The following FOXO3 variants were observed in gnomAD, a reference collection of about 807,000 sequenced individuals.
The protein encoded by FOXO3 is forkhead box O3.
In FOXO3, 4 loss-of-function variants were observed where a neutral mutation model predicts 41.9. The observed-to-expected ratio is 0.10, with a 90% CI of 0.05 to 0.22. The LOEUF is 0.22. FOXO3 is among the 10% of genes least tolerant of loss of function. The pLI is 1.00. For synonymous variants in FOXO3, 318 were observed against 389.3 expected, an observed-to-expected ratio of 0.82 and a Z score of 2.16; for missense variants, 534 against 906.8, an observed-to-expected ratio of 0.59 and a Z score of 5.28.
At chr6:108,593,712 C>CTTTTTTTTTTTT (rs34228633) in intron 1 of FOXO3, among the ~76,000 whole-genome samples, 31 of 83,332 alleles carry the variant, frequency 3.7e-4, no homozygotes, top group African/African-American at 5.7e-4. Flanking sequence ...TTTTCTTCTT[C>CTTTTTTTTTTTT]TTTTTTTTTT....
At chr6:108,633,799 C>G (rs1449195570) in intron 1 of FOXO3, among the ~76,000 whole-genome samples, 2 of 151,430 alleles carry the variant, frequency 1.3e-5, no homozygotes, top group Non-Finnish European at 2.9e-5. Flanking sequence ...TGGCTTTTGT[C>G]TACCTTTGTA....
At chr6:108,573,340 A>G (rs999701755) in intron 1 of FOXO3, among the ~76,000 whole-genome samples, 2 of 152,128 alleles carry the variant, frequency 1.3e-5, no homozygotes, top group African/African-American at 4.8e-5. Flanking sequence ...CCATTTAAAA[A>G]GTTTCTACTC....
At chr6:108,576,503 A>G (rs551911401) in intron 1 of FOXO3, among the ~76,000 whole-genome samples, 1 of 152,366 alleles carries the variant, frequency 6.6e-6, no homozygotes, top group East Asian at 1.9e-4. Flanking sequence ...AAATTAGGAA[A>G]GGTAACGTGC....
chr6:108,648,257 A>T (rs1325466057), intron 1 of FOXO3, among the ~76,000 whole-genome samples: 1 of 152,186 alleles, frequency 6.6e-6, no homozygotes, highest in Non-Finnish European at 1.5e-5. Context: ...GGGAGATGGG[A>T]GTAGGAATGG....
rs1442065215 is a variant in FOXO3 at position 108,681,056 on chromosome 6, T to C, written c.*1264T>C. 2.0e-5 allele frequency: 3 copies of C among 152,790 alleles called. No homozygotes were observed. The East Asian group carries it at 5.8e-4, about 29-fold the overall frequency. 9.5% of individuals were successfully genotyped at this position (152,790 alleles called of 1,614,324 possible). A position where few individuals can be genotyped will look rare whatever the true frequency, so the allele number is the denominator to read the frequency against. On this transcript the variant is annotated 3_prime_UTR_variant, in exon 3 of 3. Transcript: ENST00000406360. ...GTACAAAATAGGGCAGTTTTAACTTTTTTTTCTGCTTCTATGGATTTCATT... is the reference window on the plus strand; with the variant it reads ...GTACAAAATAGGGCAGTTTTAACTTCTTTTTCTGCTTCTATGGATTTCATT...
upstream of FOXO3, chr6:108,560,846 C>CG: frequency 3.3e-6 from 2 of 603,456 alleles, no homozygotes; most frequent in Non-Finnish European, 4.7e-6. Flanking sequence ...GGCTGGGCGG[C>CG]GGGGGGAGGG....
At chr6:108,616,391 G>A (rs951894380) in intron 1 of FOXO3, among the ~76,000 whole-genome samples, 2 of 151,952 alleles carry the variant, frequency 1.3e-5, no homozygotes, top group African/African-American at 4.8e-5. Context: ...TCGATCTCCT[G>A]ACCTTGTGAT....
chr6:108,560,293 C>G (rs1022778714), upstream of FOXO3, among the ~76,000 whole-genome samples: 1 of 152,224 alleles, frequency 6.6e-6, no homozygotes, highest in Admixed American at 6.5e-5. Context: ...CGACTCGCTC[C>G]CTCCCCCGGA....
chr6:108,579,115 G>C (rs1403037362), intron 1 of FOXO3, among the ~76,000 whole-genome samples: 1 of 152,160 alleles, frequency 6.6e-6, no homozygotes, highest in African/African-American at 2.4e-5. Flanking sequence ...AATGTTGCCT[G>C]AGATTCATAA....
At chr6:108,592,865 G>A (rs1776767257) in intron 1 of FOXO3, among the ~76,000 whole-genome samples, 1 of 152,206 alleles carries the variant, frequency 6.6e-6, no homozygotes, top group Non-Finnish European at 1.5e-5. Flanking sequence ...CGTGGTAATT[G>A]AGTGCTTAAG....
At chr6:108,678,484 A>T (rs1449358709) in intron 2 of FOXO3, among the ~76,000 whole-genome samples, 6 of 141,102 alleles carry the variant, frequency 4.3e-5, no homozygotes, top group Non-Finnish European at 6.1e-5. Flanking sequence ...AGACAGCTCT[A>T]TGAATATACT....
rs1775805018 is a variant in FOXO3 at position 108,561,896 on chromosome 6, G to C, written c.621+67G>C. 3 of 1,478,348 alleles carry C rather than the reference G, an allele frequency of 2.0e-6. No homozygotes were observed. In the South Asian group the frequency reaches 4.1e-5, roughly 20 times the overall value. The allele number at this position is 1,478,348 out of a possible 1,614,324, so 91.6% of individuals were successfully genotyped here. A position where few individuals can be genotyped will look rare whatever the true frequency, so the allele number is the denominator to read the frequency against. On this transcript the variant is annotated intron_variant, in intron 1 of 2. Coordinates refer to ENST00000406360, the MANE Select transcript of FOXO3 (RefSeq NM_001455.4). ...TCCTGCGCAGCGCGAGACGCGTCTCGGATTCGTCGGAGTGCGCTTGCGGGC... is the reference window on the plus strand; with the variant it reads ...TCCTGCGCAGCGCGAGACGCGTCTCCGATTCGTCGGAGTGCGCTTGCGGGC...
At chr6:108,636,306 A>G (rs751235247) in intron 1 of FOXO3, among the ~76,000 whole-genome samples, 3 of 152,232 alleles carry the variant, frequency 2.0e-5, no homozygotes, top group African/African-American at 7.2e-5. Context: ...CTCACAGAGA[A>G]TACAGATGTC....
At chr6:108,588,892 C>T (rs1234937377) in intron 1 of FOXO3, among the ~76,000 whole-genome samples, 3 of 152,202 alleles carry the variant, frequency 2.0e-5, no homozygotes, top group Admixed American at 6.5e-5. Context: ...TCTCAAGCAA[C>T]TGGAATATGG....
chr6:108,653,877 A>G (rs1017094194), intron 1 of FOXO3, among the ~76,000 whole-genome samples: 7 of 152,336 alleles, frequency 4.6e-5, no homozygotes, highest in African/African-American at 1.7e-4. Flanking sequence ...CTTTGAGGCA[A>G]CCATTTTGTG....
chr6:108,661,405 T>C (rs1292558962), intron 1 of FOXO3, among the ~76,000 whole-genome samples: 4 of 152,150 alleles, frequency 2.6e-5, no homozygotes, highest in African/African-American at 7.2e-5. Context: ...CTTTTGTCTT[T>C]AACGTGCAAA....
intron 1 of FOXO3, among the ~76,000 whole-genome samples, chr6:108,604,422 AT>A (rs965097670): frequency 5.3e-5 from 8 of 151,816 alleles, no homozygotes; most frequent in African/African-American, 1.5e-4. Context: ...TTCCTGATAT[AT>A]TTTTTTTCTT....
At position 108,683,574 on chromosome 6, in the gene FOXO3, T is replaced by G. The variant is rs1313829760; in HGVS notation, c.*3782T>G. 6.6e-6 allele frequency: 1 copy of G among 151,956 alleles called. No individual in the cohort carries two copies. The highest frequency in any genetic ancestry group is 2.1e-4 in the South Asian group (1 of 4,824). The allele number at this position is 151,956 out of a possible 1,614,324, so 9.4% of individuals were successfully genotyped here. A position where few individuals can be genotyped will look rare whatever the true frequency, so the allele number is the denominator to read the frequency against. On this transcript the variant is annotated 3_prime_UTR_variant, in exon 3 of 3. Transcript: ENST00000406360. The stretch of plus-strand genomic sequence containing the variant: ...GGTGGCGCATGCCTGTAATCCCAGC[T>G]ACTCTGGAGGCTGAGGCAGGAGAAT...
chr6:108,679,592 A>G (rs1392215225), intron 2 of FOXO3, among the ~76,000 whole-genome samples: 1 of 152,100 alleles, frequency 6.6e-6, no homozygotes, highest in East Asian at 1.9e-4. Context: ...GGGCTTTTCA[A>G]CTTCAGAGCA....
Sources: gnomAD v4.1 joint callset for allele counts (sites outside exome capture counted in the v4.1 genomes callset) on GRCh38, gnomAD v4.1.1 for gene constraint, MANE v1.5 for transcripts, NCBI Gene and HGNC (gene_info 2026-07-23, HGNC 2026-07-21) for gene names.